The following GRIK2 variants were observed in gnomAD, a reference collection of about 807,000 sequenced individuals.
GRIK2 encodes glutamate receptor ionotropic, kainate 2.
Under a neutral mutation model 100.3 loss-of-function variants are expected in GRIK2, and 32 were observed. The observed-to-expected ratio is 0.32, with a 90% CI of 0.24 to 0.43. GRIK2 has a LOEUF of 0.43. GRIK2 is among the 20% of genes least tolerant of loss of function. The probability of loss-of-function intolerance (pLI) is 1.00; values close to 1 mark genes in which losing one functional copy is unlikely to be tolerated. For synonymous variants in GRIK2, 417 were observed against 389.4 expected (o/e 1.07, Z -0.83); for missense variants, 843 against 1,114.9 (o/e 0.76, Z 3.47).
At chr6:101,715,054 C>T (rs1253197302) in intron 7 of GRIK2, among the ~76,000 whole-genome samples, 1 of 151,192 alleles carries the variant, frequency 6.6e-6, no homozygotes, top group Non-Finnish European at 1.5e-5. Context: ...AGAAAAGGAA[C>T]CATATAAAAT....
intron 2 of GRIK2, among the ~76,000 whole-genome samples, chr6:101,457,464 C>T (rs946406925): frequency 1.2e-4 from 18 of 151,988 alleles, no homozygotes; most frequent in African/African-American, 4.4e-4. Flanking sequence ...TTTTTTTTCA[C>T]ATCCGTATGT....
intron 2 of GRIK2, among the ~76,000 whole-genome samples, chr6:101,447,225 G>C (rs1770431050): frequency 6.6e-6 from 1 of 151,338 alleles, no homozygotes. Context: ...GAGGGGAATT[G>C]TTGGAAAAAG....
At chr6:101,442,871 T>C (rs1013705542) in intron 2 of GRIK2, among the ~76,000 whole-genome samples, 3 of 152,184 alleles carry the variant, frequency 2.0e-5, no homozygotes, top group Non-Finnish European at 2.9e-5. Flanking sequence ...CCCAGATTTC[T>C]TTGCATTAGC....
chr6:101,480,171 G>A (rs923399417), intron 2 of GRIK2, among the ~76,000 whole-genome samples: 12 of 152,092 alleles, frequency 7.9e-5, no homozygotes, highest in African/African-American at 2.9e-4. Flanking sequence ...TTCTGTTATG[G>A]ATCACTTCAA....
In GRIK2 at chr6:101,632,698, C is replaced by G. The variant is rs369813977; in HGVS notation, c.541+6061C>G. 1.1e-3 allele frequency among the ~76,000 whole-genome samples: 165 copies of G among 151,968 alleles called. 2 individuals carry two copies. In the South Asian group the frequency reaches 0.011, roughly 10 times the overall value. On this transcript the variant is annotated intron_variant, in intron 4 of 16. Coordinates refer to ENST00000369134, the MANE Select transcript of GRIK2 (RefSeq NM_021956.5). ...TGAGCAATTATTAAATTTCTGTATA[C>G]CAGCTGCTATCTTAGGCAGAGGGGA... is the stretch of plus-strand genomic sequence containing the variant.
At chr6:101,689,183 A>G (rs1055356823) in intron 7 of GRIK2, among the ~76,000 whole-genome samples, 3 of 152,088 alleles carry the variant, frequency 2.0e-5, no homozygotes, top group African/African-American at 7.2e-5. Flanking sequence ...AAGAGAAAAA[A>G]GAATTATAGC....
intron 3 of GRIK2, among the ~76,000 whole-genome samples, chr6:101,624,096 G>A (rs1780312571): frequency 6.6e-6 from 1 of 151,968 alleles, no homozygotes; most frequent in Non-Finnish European, 1.5e-5. Context: ...TAGTTTTAAA[G>A]GGTAGTATTG....
intron 2 of GRIK2, among the ~76,000 whole-genome samples, chr6:101,465,114 T>G (rs1771573823): frequency 6.6e-6 from 1 of 152,166 alleles, no homozygotes; most frequent in Non-Finnish European, 1.5e-5. Context: ...TGACTCTTAA[T>G]TTTTATTTAT....
intron 4 of GRIK2, among the ~76,000 whole-genome samples, chr6:101,631,567 CAG>C (rs1436438150): frequency 6.6e-6 from 1 of 152,168 alleles, no homozygotes; most frequent in African/African-American, 2.4e-5. Flanking sequence ...CCAAAGGAAA[CAG>C]GTGATCATGA....
intron 8 of GRIK2, among the ~76,000 whole-genome samples, chr6:101,800,688 T>G (rs910418909): frequency 1.3e-5 from 2 of 152,214 alleles, no homozygotes; most frequent in African/African-American, 4.8e-5. Flanking sequence ...CTCAGGTAGA[T>G]GAATTAATAG....
At chr6:101,984,614 A>AACACACACAC (rs10678285) in intron 14 of GRIK2, among the ~76,000 whole-genome samples, 25,549 of 128,830 alleles carry the variant, frequency 0.2, 2,896 homozygotes, top group Non-Finnish European at 0.25. Flanking sequence ...TACACATTAA[A>AACACACACAC]ACACACACAC....
At chr6:101,423,697 G>C (rs1311855843) in intron 2 of GRIK2, among the ~76,000 whole-genome samples, 1 of 152,010 alleles carries the variant, frequency 6.6e-6, no homozygotes, top group Non-Finnish European at 1.5e-5. Flanking sequence ...ATACAGTTTT[G>C]ATATTAATCC....
intron 2 of GRIK2, among the ~76,000 whole-genome samples, chr6:101,440,231 G>A (rs911961250): frequency 1.2e-4 from 18 of 152,080 alleles, no homozygotes; most frequent in Admixed American, 1.2e-3. Flanking sequence ...AAATTGGACG[G>A]AGAAAAAATT....
chr6:101,799,541 T>C, intron 7 of GRIK2, 107 bp from the exon 8 acceptor site: 1 of 772,398 alleles, frequency 1.3e-6, no homozygotes. Context: ...CAAAGAAAAA[T>C]GGGATATATA....
chr6:101,815,757 T>G (rs1303301893), intron 9 of GRIK2, among the ~76,000 whole-genome samples: 1 of 152,152 alleles, frequency 6.6e-6, no homozygotes, highest in Non-Finnish European at 1.5e-5. Context: ...CTGGTGACAA[T>G]TTCCTCAATG....
At chr6:101,711,916 G>A (rs1034985563) in intron 7 of GRIK2, among the ~76,000 whole-genome samples, 1 of 151,578 alleles carries the variant, frequency 6.6e-6, no homozygotes, top group Admixed American at 6.6e-5. Context: ...ATTTAGAAAA[G>A]GTTCTTATTG....
intron 7 of GRIK2, among the ~76,000 whole-genome samples, chr6:101,751,737 C>G (rs1379552818): frequency 6.6e-6 from 1 of 152,140 alleles, no homozygotes; most frequent in Non-Finnish European, 1.5e-5. Flanking sequence ...TTCATCTGTC[C>G]TCTATATTTT....
chr6:101,592,227 A>G (rs1172042959), intron 2 of GRIK2, among the ~76,000 whole-genome samples: 1 of 151,932 alleles, frequency 6.6e-6, no homozygotes, highest in Admixed American at 6.6e-5. Context: ...CTTTATAGCA[A>G]TGAAAGAAAT....
At chr6:101,791,520 G>C (rs1332000771) in intron 7 of GRIK2, among the ~76,000 whole-genome samples, 3 of 152,174 alleles carry the variant, frequency 2.0e-5, no homozygotes, top group African/African-American at 7.2e-5. Context: ...GTGCGGTTTT[G>C]AGTGAGTTTC....
Sources: gnomAD v4.1 joint callset for allele counts (sites outside exome capture counted in the v4.1 genomes callset) on GRCh38, gnomAD v4.1.1 for gene constraint, MANE v1.5 for transcripts, NCBI Gene and HGNC (gene_info 2026-07-23, HGNC 2026-07-21) for gene names.